The following PPWD1 variants were observed in gnomAD, a reference collection of about 807,000 sequenced individuals.
PPWD1 encodes the protein peptidylprolyl isomerase domain and WD repeat-containing protein 1.
In PPWD1, 43 loss-of-function variants were observed where a neutral mutation model predicts 68.8. That is an observed-to-expected ratio of 0.62 (90% CI 0.49 to 0.81). The LOEUF (loss-of-function observed/expected upper bound fraction) is 0.81, where lower values mean the gene tolerates loss of function less well. Ranked by LOEUF, PPWD1 falls within the 30% of genes least tolerant of loss-of-function variation. The probability of loss-of-function intolerance (pLI) is 0.00; values close to 1 mark genes in which losing one functional copy is unlikely to be tolerated. For missense variants in PPWD1, 672 were observed against 804.8 expected, an observed-to-expected ratio of 0.83 and a Z score of 2.00; for synonymous variants, 232 against 258.7, an observed-to-expected ratio of 0.90 and a Z score of 0.99.
chr5:65,571,820 C>A lies in PPWD1; in HGVS notation c.522-19C>A. ...TGTGCTGACCTTTTTTTTTCCCTCT[C>A]AATTCTTTACGATTTTAGCTATTTT... On this transcript the variant is annotated intron_variant, in intron 4 of 10. Coordinates refer to ENST00000261308, the MANE Select transcript of PPWD1 (RefSeq NM_015342.4). 6.2e-7 allele frequency: 1 copy of A among 1,602,126 alleles called. No homozygotes were observed. The highest frequency in any genetic ancestry group is 1.1e-5 in the South Asian group (1 of 89,646).
At chr5:65,575,779 A>T (rs1347426921) in intron 5 of PPWD1, among the ~76,000 whole-genome samples, 2 of 152,262 alleles carry the variant, frequency 1.3e-5, no homozygotes, top group Non-Finnish European at 2.9e-5. Context: ...ACACTTATAG[A>T]AATAGTCATG....
chr5:65,577,947 A>C (rs1473187162), intron 6 of PPWD1, among the ~76,000 whole-genome samples: 1 of 152,198 alleles, frequency 6.6e-6, no homozygotes, highest in African/African-American at 2.4e-5. Flanking sequence ...AGGTTTGGAG[A>C]AATGTATAAT....
chr5:65,567,889 C>A, intron 2 of PPWD1: 1 of 361,040 alleles, frequency 2.8e-6, no homozygotes, highest in Non-Finnish European at 4.2e-6. Context: ...GAAGAGGGTA[C>A]ATTAGTTAAG....
In PPWD1 at chr5:65,587,375, C is replaced by T; in HGVS notation, c.1920C>T (p.Ile640=). The part of the protein sequence containing the change: ...KTDKPYEDVS[I]INITVK ...ATAAGCCCTATGAGGATGTCAGCAT[C>T]ATAAATATTACTGTCAAGTAAAATA... The change falls in exon 11 of 11, where the codon ATC becomes ATT. Residue 640 remains isoleucine, a synonymous_variant. Coordinates refer to ENST00000261308, the MANE Select transcript of PPWD1 (RefSeq NM_015342.4). The T allele has an allele frequency of 6.2e-7, 1 of 1,609,586 alleles. No homozygotes were observed. Among genetic ancestry groups the T allele is most frequent in the Non-Finnish European group, 8.5e-7 (1 of 1,177,378 alleles).
At chr5:65,565,865 TA>T in intron 1 of PPWD1, among the ~76,000 whole-genome samples, 1 of 148,420 alleles carries the variant, frequency 6.7e-6, no homozygotes, top group East Asian at 2.0e-4. Flanking sequence ...AAATTGAAAC[TA>T]AAAAACATAC....
intron 10 of PPWD1, among the ~76,000 whole-genome samples, chr5:65,586,973 T>G (rs1753877653): frequency 2.0e-5 from 3 of 152,166 alleles, no homozygotes; most frequent in African/African-American, 7.2e-5. Context: ...CTGTAAGCCA[T>G]GTGAAGTAAC....
Position 65,584,333 on chromosome 5 carries a change from C to T in PPWD1, c.1533-681C>T, listed in dbSNP as rs983798695. ...TTAGAAGTATTACATGGTAATGAAC[C>T]GTATGAAATAATTGCATAATTTTCA... On this transcript the variant is annotated intron_variant, in intron 8 of 10. Coordinates refer to ENST00000261308, the MANE Select transcript of PPWD1 (RefSeq NM_015342.4). Among the ~76,000 whole-genome samples, 5 of 151,848 alleles carry T rather than the reference C, an allele frequency of 3.3e-5. No homozygotes were observed. In the South Asian group the frequency reaches 6.2e-4, roughly 19 times the overall value.
chr5:65,564,205 C>T (rs1231329943), intron 1 of PPWD1, among the ~76,000 whole-genome samples: 1 of 151,594 alleles, frequency 6.6e-6, no homozygotes, highest in Non-Finnish European at 1.5e-5. Context: ...TCTTGTTTTT[C>T]TGTGAAATGT....
intron 1 of PPWD1, among the ~76,000 whole-genome samples, chr5:65,566,394 A>G (rs1404433139): frequency 1.3e-5 from 2 of 152,156 alleles, no homozygotes; most frequent in African/African-American, 2.4e-5. Flanking sequence ...GTTCCAAGCT[A>G]TAGGATTGAG....
rs1484833528 is a variant in PPWD1 at position 65,569,680 on chromosome 5, GA to G, written c.355del (p.Ile119Ter). The G allele has an allele frequency of 1.9e-6, 3 of 1,608,136 alleles. No individual in the cohort carries two copies. Among genetic ancestry groups the G allele is most frequent in the Admixed American group, 3.4e-5 (2 of 59,692 alleles). ...ASHDGHVKFW[K>X]KIEEGIEFVK... ...GTCATGATGGACATGTCAAGTTCTG[GA>G]AAAAAATAGAAGAGGGAATTGAATT... On this transcript the variant is annotated frameshift_variant, in exon 3 of 11. Transcript: ENST00000261308. LOFTEE classifies it high-confidence loss of function.
At chr5:65,574,474 T>TG (rs869263452) in intron 5 of PPWD1, among the ~76,000 whole-genome samples, 8 of 96,142 alleles carry the variant, frequency 8.3e-5, no homozygotes, top group African/African-American at 3.1e-4. Flanking sequence ...TTTTTTTTTT[T>TG]GAGACGGAGT....
At chr5:65,587,092 A>T (rs1033723130) in intron 10 of PPWD1, 161 bp from the exon 11 acceptor site, 1 of 467,496 alleles carries the variant, frequency 2.1e-6, no homozygotes, top group Non-Finnish European at 2.8e-6. Flanking sequence ...AATAACTTTT[A>T]AAAGCTGCTA....
intron 7 of PPWD1, 66 bp from the exon 8 acceptor site, chr5:65,582,972 G>T: frequency 6.9e-7 from 1 of 1,441,476 alleles, no homozygotes; most frequent in Non-Finnish European, 9.2e-7. Flanking sequence ...AAATTCTATT[G>T]TTCATAAAAT....
intron 8 of PPWD1, among the ~76,000 whole-genome samples, chr5:65,583,776 CTA>C (rs1753702210): frequency 6.6e-6 from 1 of 152,072 alleles, no homozygotes; most frequent in African/African-American, 2.4e-5. Flanking sequence ...CGGCAAGACT[CTA>C]TCTCTTAAAA....
chr5:65,575,767 G>A (rs191141287), intron 5 of PPWD1, among the ~76,000 whole-genome samples: 41 of 152,262 alleles, frequency 2.7e-4, no homozygotes, highest in African/African-American at 9.1e-4. Flanking sequence ...AAACTATAAA[G>A]GACACTTATA....
chr5:65,584,910 T>G (rs1251860780), intron 8 of PPWD1, 104 bp from the exon 9 acceptor site: 12 of 1,445,804 alleles, frequency 8.3e-6, no homozygotes, highest in Non-Finnish European at 1.1e-5. Flanking sequence ...TCTGAAACAT[T>G]CAGAAGACAT....
intron 1 of PPWD1, among the ~76,000 whole-genome samples, chr5:65,565,826 A>G (rs2090474065): frequency 7.0e-6 from 1 of 141,972 alleles, no homozygotes; most frequent in African/African-American, 2.6e-5. Context: ...AAAAAAAAAA[A>G]GCCAATAGTT....
chr5:65,567,501 T>C lies in PPWD1; in HGVS notation c.197-12T>C. On this transcript the variant is annotated splice_polypyrimidine_tract_variant and intron_variant, in intron 1 of 10. Coordinates refer to ENST00000261308, the MANE Select transcript of PPWD1 (RefSeq NM_015342.4). ...TAAAAATAGATCTTATACTTTACTTTTTTTTCTTCAGTCTTAGAGTTTGAA... is the reference window on the plus strand; with the variant it reads ...TAAAAATAGATCTTATACTTTACTTCTTTTTCTTCAGTCTTAGAGTTTGAA... 1 of 1,592,494 alleles carries C rather than the reference T, an allele frequency of 6.3e-7. No homozygotes were observed. Among genetic ancestry groups the C allele is most frequent in the Non-Finnish European group, 8.5e-7 (1 of 1,170,668 alleles).
chr5:65,584,640 T>C (rs1304291044), intron 8 of PPWD1, among the ~76,000 whole-genome samples: 1 of 152,242 alleles, frequency 6.6e-6, no homozygotes, highest in South Asian at 2.1e-4. Flanking sequence ...GAGGATGTCT[T>C]GAGTCCAGAA....
Sources: gnomAD v4.1 joint callset for allele counts (sites outside exome capture counted in the v4.1 genomes callset) on GRCh38, gnomAD v4.1.1 for gene constraint, MANE v1.5 for transcripts, NCBI Gene and HGNC (gene_info 2026-07-23, HGNC 2026-07-21) for gene names.